Variants in EYA2 observed in about 807,000 individuals in gnomAD.
EYA2 encodes protein phosphatase EYA2.
In EYA2, 31 loss-of-function variants were observed where a neutral mutation model predicts 69.2. That is an observed-to-expected ratio of 0.45 (90% CI 0.34 to 0.60). The LOEUF (loss-of-function observed/expected upper bound fraction) is 0.60, where lower values mean the gene tolerates loss of function less well. EYA2 is among the 20% of genes least tolerant of loss of function. The pLI is 0.02. For synonymous variants in EYA2, 257 were observed against 279.4 expected, an observed-to-expected ratio of 0.92 and a Z score of 0.80; for missense variants, 622 against 701.2, an observed-to-expected ratio of 0.89 and a Z score of 1.28.
rs761683857 is a variant in EYA2 at position 47,180,881 on chromosome 20, A to G, written c.1380A>G (p.Leu460=). Residue 460 remains leucine (L), a synonymous_variant, in exon 14 of 16, where the codon CTA becomes CTG. Transcript: ENST00000327619. ...TTCCTGCCCTGGCCAAAGTCCTGCT[A>G]TATGGCCTGGGGTCTGTGTTTCCTA... ...QLIPALAKVL[L]YGLGSVFPIE... 2.5e-6 allele frequency: 4 copies of G among 1,614,094 alleles called. No homozygotes were observed. The African/African-American group carries it at 4.0e-5, about 16-fold the overall frequency.
intron 1 of EYA2, among the ~76,000 whole-genome samples, chr20:46,957,573 AC>A (rs1568686830): frequency 0.27 from 36,355 of 135,460 alleles, 5,426 homozygotes; most frequent in Admixed American, 0.32. Context: ...ACACACACAC[AC>A]ACACGAAGAC....
chr20:47,075,006 G>A lies in EYA2; in HGVS notation c.661+671G>A, dbSNP rs543094020. 1.0e-3 allele frequency among the ~76,000 whole-genome samples: 159 copies of A among 152,374 alleles called. 3 individuals are homozygous for A. Among genetic ancestry groups the A allele is most frequent in the Non-Finnish European group, 2.8e-4 (19 of 68,040 alleles). ...GGCACCTGTAATCCCAGCTACTAGGGCGGCTGAGGTAGGAGAATCGCTTGA... is the reference window on the plus strand; with the variant it reads ...GGCACCTGTAATCCCAGCTACTAGGACGGCTGAGGTAGGAGAATCGCTTGA... On this transcript the variant is annotated intron_variant, in intron 7 of 15. Coordinates refer to ENST00000327619, the MANE Select transcript of EYA2 (RefSeq NM_005244.5).
intron 12 of EYA2, among the ~76,000 whole-genome samples, chr20:47,178,423 A>G (rs2034466025): frequency 6.6e-6 from 1 of 151,874 alleles, no homozygotes; most frequent in Admixed American, 6.6e-5. Context: ...AGAGTGGTCC[A>G]TGTTCTGAAA....
intron 14 of EYA2, 109 bp from the exon 15 acceptor site, chr20:47,183,182 C>A: frequency 1.1e-6 from 1 of 924,448 alleles, no homozygotes; most frequent in East Asian, 2.4e-5. Flanking sequence ...TGATGAATAC[C>A]GGGCCTTTGG....
intron 9 of EYA2, among the ~76,000 whole-genome samples, chr20:47,107,350 C>T (rs754818124): frequency 2.0e-5 from 3 of 147,140 alleles, no homozygotes; most frequent in Non-Finnish European, 3.0e-5. Flanking sequence ...TATGGTGAAA[C>T]CCCATCTCTA....
intron 5 of EYA2, among the ~76,000 whole-genome samples, chr20:47,039,517 C>G (rs1984917917): frequency 3.3e-5 from 5 of 152,148 alleles, no homozygotes; most frequent in Admixed American, 2.0e-4. Context: ...TTTCCCGTCC[C>G]CTGATCTAGA....
chr20:47,138,198 A>C (rs916088846), intron 9 of EYA2, among the ~76,000 whole-genome samples: 1 of 152,080 alleles, frequency 6.6e-6, no homozygotes, highest in Admixed American at 6.6e-5. Context: ...ACACTGTGTT[A>C]CTTGACTCCT....
chr20:46,911,067 A>G (rs1185894460), intron 1 of EYA2, among the ~76,000 whole-genome samples: 1 of 152,214 alleles, frequency 6.6e-6, no homozygotes, highest in Non-Finnish European at 1.5e-5. Flanking sequence ...AGTAGATTTA[A>G]GACAGAAAAG....
At chr20:47,030,865 T>A (rs1984371784) in intron 5 of EYA2, among the ~76,000 whole-genome samples, 1 of 152,160 alleles carries the variant, frequency 6.6e-6, no homozygotes, top group Non-Finnish European at 1.5e-5. Context: ...CAAGCGATCC[T>A]CTCGTCTCAG....
chr20:47,135,842 C>CAAAAAAAAAAAAA (rs1266669397), intron 9 of EYA2, among the ~76,000 whole-genome samples: 3 of 54,024 alleles, frequency 5.6e-5, no homozygotes, highest in Non-Finnish European at 8.8e-5. Context: ...AAAAAAAAAA[C>CAAAAAAAAAAAAA]AAACAAACAA....
intron 1 of EYA2, among the ~76,000 whole-genome samples, chr20:46,903,989 A>G (rs1984238099): frequency 6.6e-6 from 1 of 152,230 alleles, no homozygotes; most frequent in Non-Finnish European, 1.5e-5. Context: ...GCACTGGATC[A>G]GTGCGGTGTC....
intron 9 of EYA2, among the ~76,000 whole-genome samples, chr20:47,113,768 C>T (rs1017166656): frequency 1.3e-5 from 2 of 152,206 alleles, no homozygotes; most frequent in Non-Finnish European, 2.9e-5. Context: ...AACCCACTCT[C>T]CTGAGACACA....
At chr20:46,977,245 G>A (rs898842390) in intron 1 of EYA2, among the ~76,000 whole-genome samples, 1 of 152,238 alleles carries the variant, frequency 6.6e-6, no homozygotes, top group African/African-American at 2.4e-5. Flanking sequence ...GTGCCCCAAT[G>A]TGGCTGTAAT....
intron 1 of EYA2, among the ~76,000 whole-genome samples, chr20:46,987,401 T>A (rs993793344): frequency 6.6e-6 from 1 of 152,236 alleles, no homozygotes. Context: ...GGGCTGGATT[T>A]GGCTTACGGG....
chr20:47,042,605 C>G (rs972168821), intron 5 of EYA2, among the ~76,000 whole-genome samples: 2 of 152,172 alleles, frequency 1.3e-5, no homozygotes, highest in Non-Finnish European at 2.9e-5. Context: ...GGGAACCATC[C>G]CTTATCTCAA....
intron 1 of EYA2, among the ~76,000 whole-genome samples, chr20:46,979,070 C>A (rs75089080): frequency 0.077 from 11,672 of 152,258 alleles, 583 homozygotes; most frequent in Non-Finnish European, 0.12. Flanking sequence ...CTGGGAGTGA[C>A]CCTCTCCAAA....
intron 1 of EYA2, among the ~76,000 whole-genome samples, chr20:46,945,607 C>G (rs1048835883): frequency 5.3e-5 from 8 of 152,154 alleles, no homozygotes; most frequent in African/African-American, 1.9e-4. Flanking sequence ...ATTTGGGAAG[C>G]TTGGGTTTGT....
At chr20:46,976,612 C>G (rs558449841) in intron 1 of EYA2, among the ~76,000 whole-genome samples, 13 of 152,190 alleles carry the variant, frequency 8.5e-5, no homozygotes, top group African/African-American at 3.1e-4. Context: ...GTCTCGATCT[C>G]ATGACCTCGT....
chr20:47,059,528 T>C (rs1381608208), intron 5 of EYA2, among the ~76,000 whole-genome samples: 1 of 152,152 alleles, frequency 6.6e-6, no homozygotes, highest in Admixed American at 6.5e-5. Context: ...TTTTTGTATT[T>C]TTAGTAGAGA....
Sources: allele counts gnomAD v4.1 joint callset (sites outside exome capture counted in the v4.1 genomes callset), GRCh38; gene constraint gnomAD v4.1.1; transcripts MANE v1.5; gene names NCBI Gene and HGNC (gene_info 2026-07-23, HGNC 2026-07-21).